The following IPO7 variants were observed in gnomAD, a reference collection of about 807,000 sequenced individuals.
The protein encoded by IPO7 is importin-7.
IPO7 carries 13 observed loss-of-function variants against 136.4 expected under a neutral mutation model. The ratio of observed to expected loss-of-function variants is 0.10; its 90% CI spans 0.06 to 0.15. IPO7 has a LOEUF of 0.15. IPO7 is among the 10% of genes least tolerant of loss of function. The pLI is 1.00. For missense variants in IPO7, 857 were observed against 1,240.6 expected, an observed-to-expected ratio of 0.69 and a Z score of 4.65; for synonymous variants, 403 against 404.4, an observed-to-expected ratio of 1.00 and a Z score of 0.04.
intron 19 of IPO7, among the ~76,000 whole-genome samples, chr11:9,435,385 A>C (rs1425435784): frequency 6.6e-6 from 1 of 152,240 alleles, no homozygotes; most frequent in African/African-American, 2.4e-5. Context: ...TAGCAGCTAT[A>C]GGTTTACAAC....
At chr11:9,428,870 A>G (rs1176131663) in intron 13 of IPO7, 161 bp from the exon 14 acceptor site, 2 of 804,294 alleles carry the variant, frequency 2.5e-6, no homozygotes, top group East Asian at 4.8e-5. Context: ...CATGCGGCCA[A>G]AGAGTAACTT....
intron 1 of IPO7, among the ~76,000 whole-genome samples, chr11:9,388,238 C>T (rs541236728): frequency 3.4e-5 from 5 of 148,236 alleles, no homozygotes; most frequent in Non-Finnish European, 6.0e-5. Context: ...AGTGCAGTGG[C>T]GCAATATGAG....
chr11:9,391,580 G>A (rs1279577715), intron 1 of IPO7, among the ~76,000 whole-genome samples: 1 of 151,966 alleles, frequency 6.6e-6, no homozygotes, highest in Admixed American at 6.6e-5. Flanking sequence ...GGTGGTGGGT[G>A]CCTGTAGTTC....
chr11:9,398,079 G>A (rs886211451), intron 1 of IPO7, among the ~76,000 whole-genome samples: 2 of 152,210 alleles, frequency 1.3e-5, no homozygotes, highest in Admixed American at 6.5e-5. Context: ...TGCCCTAGTA[G>A]TGTGGATAGT....
rs370038925 is a variant in IPO7, at chr11:9,400,613, G to A, written c.85-2677G>A. ...AATTTTTTGTATTTTTAGTACAGACGGGATTTCACTGTGTTAGCCAGGATG... is the reference window on the plus strand; with the variant it reads ...AATTTTTTGTATTTTTAGTACAGACAGGATTTCACTGTGTTAGCCAGGATG... On this transcript the variant is annotated intron_variant, in intron 1 of 24. Transcript: ENST00000379719. Among the ~76,000 whole-genome samples the A allele has an allele frequency of 7.5e-3, 1,138 of 151,838 alleles. 17 individuals are homozygous for A. Among genetic ancestry groups the A allele is most frequent in the African/African-American group, 0.026 (1,058 of 41,430 alleles).
intron 6 of IPO7, among the ~76,000 whole-genome samples, chr11:9,419,559 A>AAAAATATATATAT (rs1256216265): frequency 8.6e-6 from 1 of 116,866 alleles, no homozygotes; most frequent in Non-Finnish European, 1.7e-5. Context: ...AAAAAAAAAA[A>AAAAATATATATAT]ATATATATAT....
chr11:9,416,589 C>G (rs1303012812), intron 5 of IPO7, among the ~76,000 whole-genome samples: 1 of 152,102 alleles, frequency 6.6e-6, no homozygotes, highest in Non-Finnish European at 1.5e-5. Context: ...TATTGGCCTA[C>G]TGAGAAATAG....
intron 1 of IPO7, among the ~76,000 whole-genome samples, chr11:9,385,098 G>A (rs1260850888): frequency 1.3e-5 from 2 of 152,218 alleles, no homozygotes; most frequent in Non-Finnish European, 2.9e-5. Context: ...ATGAGGAGCC[G>A]GCTGAGGCGG....
rs1855330266 is a variant in IPO7 at position 9,433,628 on chromosome 11, A to G, written c.1940A>G (p.His647Arg). Residue 647 changes from histidine (H) to arginine (R), a missense_variant, in exon 17 of 25, where the codon CAT becomes CGT. This residue lies in a region of IPO7 where 190 missense variants were observed against 249.0 expected (regional missense o/e 0.76). Transcript: ENST00000379719. ...GTCATTGGTACTGTTTTACAACAGC[A>G]TGTCTTAGGTATTATACCTCTGATT... ...LQVIGTVLQQ[H>R]VLEFYEEIFS... is the part of the protein sequence containing the mutation. 2 of 1,612,886 alleles carry G rather than the reference A, an allele frequency of 1.2e-6. No individual in the cohort carries two copies. The highest frequency in any genetic ancestry group is 2.2e-5 in the East Asian group (1 of 44,872).
At chr11:9,436,909 G>T (rs544912094) in intron 20 of IPO7, among the ~76,000 whole-genome samples, 8 of 88,054 alleles carry the variant, frequency 9.1e-5, no homozygotes, top group African/African-American at 3.7e-4. Context: ...TTTTTGAGAC[G>T]CTGTCTCGCC....
At chr11:9,413,419 G>GTAA (rs975319836) in intron 4 of IPO7, among the ~76,000 whole-genome samples, 2 of 152,090 alleles carry the variant, frequency 1.3e-5, no homozygotes, top group East Asian at 3.9e-4. Context: ...CTTAAGGATG[G>GTAA]TAATAATAAT....
intron 2 of IPO7, among the ~76,000 whole-genome samples, chr11:9,407,246 A>G (rs893251480): frequency 2.9e-4 from 44 of 152,140 alleles, no homozygotes; most frequent in African/African-American, 1.0e-3. Context: ...TGTTGGTCCT[A>G]TTTGATTCTT....
At chr11:9,442,276 A>G (rs1590456328) in intron 24 of IPO7, 79 bp downstream of exon 24, 4 of 594,580 alleles carry the variant, frequency 6.7e-6, no homozygotes, top group East Asian at 6.0e-5. Flanking sequence ...ATTTTATATC[A>G]TTAAATTTTA....
At chr11:9,434,263 G>A (rs564358950) in intron 18 of IPO7, among the ~76,000 whole-genome samples, 10 of 152,038 alleles carry the variant, frequency 6.6e-5, no homozygotes, top group African/African-American at 2.2e-4. Flanking sequence ...TTCACTGTTC[G>A]GAACAATTAT....
chr11:9,396,130 T>G (rs1213553291), intron 1 of IPO7, among the ~76,000 whole-genome samples: 2 of 151,970 alleles, frequency 1.3e-5, no homozygotes, highest in African/African-American at 4.8e-5. Context: ...GCGTGGTGGC[T>G]CACCCCTATA....
At position 9,447,150 on chromosome 11, in the gene IPO7, T is replaced by A. The variant is rs1426373083; in HGVS notation, c.*1956T>A. 1 of 152,238 alleles carries A rather than the reference T, an allele frequency of 6.6e-6. No homozygotes were observed. Among genetic ancestry groups the A allele is most frequent in the Non-Finnish European group, 1.5e-5 (1 of 68,038 alleles). The allele number at this position is 152,238 out of a possible 1,614,324, so 9.4% of individuals were successfully genotyped here. A position where few individuals can be genotyped will look rare whatever the true frequency, so the allele number is the denominator to read the frequency against. ...CTAATACCTAGTCTACTTTTTAAAT[T>A]TTCAGACTTCACTGCTTTTTGAATT... On this transcript the variant is annotated 3_prime_UTR_variant, in exon 25 of 25. Transcript: ENST00000379719.
intron 1 of IPO7, 28 bp from the exon 2 acceptor site, chr11:9,403,262 G>A (rs1854827527): frequency 5.4e-6 from 8 of 1,486,104 alleles, no homozygotes; most frequent in Non-Finnish European, 6.6e-6. Context: ...ATTTGCAGAA[G>A]TTTAAAATGG....
rs369186316 is a variant in IPO7, at chr11:9,433,820, A to G, written c.2048A>G (p.Gln683Arg). 5 of 1,611,398 alleles carry G rather than the reference A, an allele frequency of 3.1e-6. No individual in the cohort carries two copies. The highest frequency in any genetic ancestry group is 4.2e-6 in the Non-Finnish European group (5 of 1,179,910). Residue 683 changes from glutamine to arginine, a missense_variant, in exon 18 of 25, where the codon CAG becomes CGG. Gln to Arg is a conservative substitution (Grantham distance 43). Coordinates refer to ENST00000379719, the MANE Select transcript of IPO7 (RefSeq NM_006391.3). ...CTACCCCTTGTATTTGAAGTCTTTC[A>G]GCAAGATGGCTTTGATTACTTTACA... ...QLLPLVFEVF[Q>R]QDGFDYFTDM...
chr11:9,403,513 A>T (rs923580869), intron 2 of IPO7, 142 bp downstream of exon 2: 1 of 595,860 alleles, frequency 1.7e-6, no homozygotes, highest in African/African-American at 1.9e-5. Flanking sequence ...TACAGCTAAC[A>T]TCAGGTACCT....
Sources: allele counts gnomAD v4.1 joint callset (sites outside exome capture counted in the v4.1 genomes callset), GRCh38; gene constraint gnomAD v4.1.1; regional missense constraint gnomAD v4.1.1; transcripts MANE v1.5; gene names NCBI Gene and HGNC (gene_info 2026-07-23, HGNC 2026-07-21).